PKHD1: variants seen among roughly 807,000 people sequenced by gnomAD.
The protein encoded by PKHD1 is PKHD1 ciliary IPT domain containing fibrocystin/polyductin.
Under a neutral mutation model 412.0 loss-of-function variants are expected in PKHD1, and 291 were observed. The ratio of observed to expected loss-of-function variants is 0.71; its 90% CI spans 0.64 to 0.78. The LOEUF is 0.78. Ranked by LOEUF, PKHD1 falls within the 30% of genes least tolerant of loss-of-function variation. The probability of loss-of-function intolerance (pLI) is 0.00; values close to 1 mark genes in which losing one functional copy is unlikely to be tolerated. For synonymous variants in PKHD1, 1,777 were observed against 1,821.5 expected (o/e 0.98, Z 0.62); for missense variants, 4,825 against 4,950.7 (o/e 0.97, Z 0.76).
chr6:51,822,321 T>C (rs896739534), intron 52 of PKHD1, among the ~76,000 whole-genome samples: 5 of 152,188 alleles, frequency 3.3e-5, no homozygotes, highest in African/African-American at 1.2e-4. Context: ...AGGATATAGT[T>C]TATTCTCAAG....
intron 59 of PKHD1, among the ~76,000 whole-genome samples, chr6:51,744,912 T>C (rs76717947): frequency 0.028 from 4,269 of 152,180 alleles, 192 homozygotes; most frequent in African/African-American, 0.094. Context: ...ATCAATTATA[T>C]TTATGCTATA....
At chr6:52,004,358 C>T (rs909337904) in intron 35 of PKHD1, among the ~76,000 whole-genome samples, 2 of 152,008 alleles carry the variant, frequency 1.3e-5, no homozygotes, top group African/African-American at 4.8e-5. Context: ...TTTTCATTTT[C>T]CTGCTGGAAT....
chr6:51,984,204 T>G (rs1393770626), intron 35 of PKHD1, among the ~76,000 whole-genome samples: 1 of 152,248 alleles, frequency 6.6e-6, no homozygotes, highest in East Asian at 1.9e-4. Flanking sequence ...AAAATTATCC[T>G]TTCCCAAAAG....
At chr6:51,696,824 A>G (rs376325766) in intron 60 of PKHD1, among the ~76,000 whole-genome samples, 5 of 152,260 alleles carry the variant, frequency 3.3e-5, no homozygotes, top group African/African-American at 1.2e-4. Flanking sequence ...CAAACTGACG[A>G]CCAATCCTTG....
intron 34 of PKHD1, 119 bp downstream of exon 34, chr6:52,017,291 T>C (rs1041152114): frequency 1.6e-4 from 121 of 775,900 alleles, no homozygotes; most frequent in Non-Finnish European, 4.0e-5. Context: ...TCCAAGAGAG[T>C]TGTAGCCCTT....
intron 60 of PKHD1, among the ~76,000 whole-genome samples, chr6:51,664,263 G>C: frequency 6.6e-6 from 1 of 152,106 alleles, no homozygotes; most frequent in Middle Eastern, 3.2e-3. Flanking sequence ...ATTCAGTCAT[G>C]ACACTGGATG....
intron 66 of PKHD1, among the ~76,000 whole-genome samples, chr6:51,623,787 A>T (rs542488568): frequency 5.3e-5 from 8 of 152,190 alleles, no homozygotes; most frequent in Non-Finnish European, 8.8e-5. Context: ...GGGTTTCACC[A>T]CATTGGCTAG....
At chr6:51,651,405 C>T (rs184337555) in intron 61 of PKHD1, among the ~76,000 whole-genome samples, 1 of 152,228 alleles carries the variant, frequency 6.6e-6, no homozygotes, top group Admixed American at 6.5e-5. Context: ...TCATTAAATG[C>T]AGGGTCCTGT....
chr6:51,743,957 T>C (rs916652672), intron 60 of PKHD1, among the ~76,000 whole-genome samples: 8 of 152,088 alleles, frequency 5.3e-5, no homozygotes, highest in African/African-American at 1.7e-4. Flanking sequence ...ACAAAACACA[T>C]GACATCTACC....
intron 36 of PKHD1, among the ~76,000 whole-genome samples, chr6:51,958,264 C>A (rs1791452367): frequency 6.6e-6 from 1 of 152,104 alleles, no homozygotes. Flanking sequence ...ACTTACTCTC[C>A]CTCTCCACAG....
At chr6:51,650,133 T>C (rs945686564) in intron 61 of PKHD1, among the ~76,000 whole-genome samples, 2 of 152,186 alleles carry the variant, frequency 1.3e-5, no homozygotes, top group African/African-American at 2.4e-5. Context: ...TTAGTTCCTT[T>C]GAACATGTTA....
chr6:51,832,371 C>T (rs1397985865), intron 51 of PKHD1, among the ~76,000 whole-genome samples: 1 of 151,658 alleles, frequency 6.6e-6, no homozygotes, highest in Non-Finnish European at 1.5e-5. Flanking sequence ...GAGCATGAGC[C>T]GAGGCAAAAA....
intron 60 of PKHD1, among the ~76,000 whole-genome samples, chr6:51,707,786 T>C (rs147570598): frequency 9.2e-5 from 14 of 152,290 alleles, no homozygotes; most frequent in African/African-American, 2.9e-4. Flanking sequence ...ATTTTTTCCC[T>C]AGTTGAAGGA....
chr6:51,712,072 C>T (rs1326057439), intron 60 of PKHD1, among the ~76,000 whole-genome samples: 1 of 152,170 alleles, frequency 6.6e-6, no homozygotes, highest in East Asian at 1.9e-4. Context: ...GTTGTAGCTG[C>T]CACCCAACTT....
Position 51,909,315 on chromosome 6 carries a change from A to G in PKHD1, c.6650T>C (p.Leu2217Pro). Residue 2217 changes from leucine to proline, a missense_variant, in exon 40 of 67, where the codon CTG (leucine) becomes CCG (proline). By Grantham distance (98) the Leu-to-Pro change is moderately conservative. Transcript: ENST00000371117. ...AGCTCCCACCAGAGTGAGTGAGCTC[A>G]GATGCTTATGGAAGGCTTGCCCCAA... ...QVLGQAFHKH[L>P]SSLTLVGAMR... 1 of 1,613,524 alleles carries G rather than the reference A, an allele frequency of 6.2e-7. No homozygotes were observed. Among genetic ancestry groups the G allele is most frequent in the South Asian group, 1.1e-5 (1 of 91,064 alleles).
At chr6:52,076,229 G>T in intron 6 of PKHD1, 47 bp downstream of exon 6, 3 of 1,355,378 alleles carry the variant, frequency 2.2e-6, no homozygotes, top group Non-Finnish European at 3.2e-6. Context: ...AACAAGCTTT[G>T]GCAAACAGAT....
At chr6:51,737,634 T>A (rs1160426575) in intron 60 of PKHD1, among the ~76,000 whole-genome samples, 3 of 152,212 alleles carry the variant, frequency 2.0e-5, no homozygotes, top group Admixed American at 2.0e-4. Context: ...CTTCTTAATA[T>A]CTTGTTTATT....
chr6:51,891,376 T>C (rs1295218939), intron 43 of PKHD1, among the ~76,000 whole-genome samples: 1 of 152,114 alleles, frequency 6.6e-6, no homozygotes, highest in African/African-American at 2.4e-5. Context: ...ACCTCCCGGA[T>C]TCAAGCGATT....
In PKHD1 at chr6:51,930,966, T is replaced by G. The variant is rs59600833; in HGVS notation, c.6121+3144A>C. On this transcript the variant is annotated intron_variant, in intron 37 of 66. Transcript: ENST00000371117. Reference sequence around the variant, plus strand: ...CTTCTGTTACTCTGATGAAAAGAGATAGACAAGAAAATTAATATGTGTTTT... The same window carrying G: ...CTTCTGTTACTCTGATGAAAAGAGAGAGACAAGAAAATTAATATGTGTTTT... 9.0e-3 allele frequency among the ~76,000 whole-genome samples: 1,366 copies of G among 152,250 alleles called. 20 individuals carry two copies. The highest frequency in any genetic ancestry group is 0.031 in the African/African-American group (1,289 of 41,530).
Sources: gnomAD v4.1 joint callset for allele counts (sites outside exome capture counted in the v4.1 genomes callset) on GRCh38, gnomAD v4.1.1 for gene constraint, MANE v1.5 for transcripts, NCBI Gene and HGNC (gene_info 2026-07-23, HGNC 2026-07-21) for gene names.